Variants in WDR44 observed in about 807,000 individuals in gnomAD.
WDR44 encodes WD repeat-containing protein 44.
A neutral mutation model predicts 65.7 loss-of-function variants in WDR44; 9 were observed. That is an observed-to-expected ratio of 0.14 (90% CI 0.08 to 0.24). The LOEUF is 0.24. Ranked by LOEUF, WDR44 falls within the 10% of genes least tolerant of loss-of-function variation. The pLI is 1.00. For synonymous variants in WDR44, 220 were observed against 235.2 expected (o/e 0.94, Z 0.59); for missense variants, 425 against 670.9 (o/e 0.63, Z 4.05).
intron 3 of WDR44, among the ~76,000 whole-genome samples, chrX:118,389,222 C>T (rs112474426): frequency 0.018 from 2,035 of 111,777 alleles, 24 homozygotes; most frequent in Non-Finnish European, 0.029. Context: ...ATACCCTGGA[C>T]GAGGGCATAC....
chrX:118,378,871 T>TAA (rs541856981), intron 2 of WDR44, among the ~76,000 whole-genome samples: 13 of 92,899 alleles, frequency 1.4e-4, no homozygotes, highest in East Asian at 6.7e-4. Flanking sequence ...CCGTCTCTAC[T>TAA]AAAAAAAAAA....
At chrX:118,447,190 C>T in intron 19 of WDR44, 1 of 250,665 alleles carries the variant, frequency 4.0e-6, no homozygotes, top group Non-Finnish European at 7.4e-6. Flanking sequence ...CTTTTCTTTT[C>T]TTTTTTCCCC....
intron 19 of WDR44, among the ~76,000 whole-genome samples, chrX:118,445,634 A>G (rs1474696463): frequency 8.9e-6 from 1 of 112,625 alleles, no homozygotes; most frequent in African/African-American, 3.2e-5. Flanking sequence ...CATTTGTAGC[A>G]TATATGCTTT....
chrX:118,358,719 A>G (rs1181741784), intron 1 of WDR44, among the ~76,000 whole-genome samples: 1 of 110,453 alleles, frequency 9.1e-6, no homozygotes, highest in Non-Finnish European at 1.9e-5. Flanking sequence ...AACAAAAAAG[A>G]AAAAACCACC....
intron 12 of WDR44, among the ~76,000 whole-genome samples, chrX:118,416,370 A>G (rs2057057211): frequency 9.0e-6 from 1 of 111,655 alleles, no homozygotes; most frequent in African/African-American, 3.3e-5. Context: ...CCCAAAGGTT[A>G]TGATAGATTG....
chrX:118,434,219 A>G (rs752951736), intron 13 of WDR44, among the ~76,000 whole-genome samples: 2 of 112,194 alleles, frequency 1.8e-5, no homozygotes, highest in African/African-American at 6.5e-5. Context: ...TTTAGTATCT[A>G]TCCAGCTACC....
chrX:118,433,912 T>C (rs2057231910), intron 13 of WDR44, among the ~76,000 whole-genome samples: 1 of 103,066 alleles, frequency 9.7e-6, no homozygotes, highest in African/African-American at 3.9e-5. Context: ...AACAACCTTA[T>C]GCGATTGTTG....
At chrX:118,427,046 A>G (rs1172892085) in intron 12 of WDR44, among the ~76,000 whole-genome samples, 1 of 111,841 alleles carries the variant, frequency 8.9e-6, no homozygotes, top group African/African-American at 3.2e-5. Flanking sequence ...AAAGTGAAGA[A>G]AGCAGAATGT....
At chrX:118,408,188 C>T (rs1355875651) in intron 10 of WDR44, among the ~76,000 whole-genome samples, 1 of 111,089 alleles carries the variant, frequency 9.0e-6, no homozygotes, top group Non-Finnish European at 1.9e-5. Flanking sequence ...TTTGATACAT[C>T]TGAATGTGTA....
At chrX:118,384,484 T>A (rs1467398485) in intron 2 of WDR44, among the ~76,000 whole-genome samples, 2 of 111,927 alleles carry the variant, frequency 1.8e-5, no homozygotes, top group African/African-American at 6.5e-5. Flanking sequence ...GATCAGATAG[T>A]TGTAGGTGTG....
intron 14 of WDR44, among the ~76,000 whole-genome samples, chrX:118,437,097 T>C (rs777547862): frequency 9.0e-6 from 1 of 110,985 alleles, no homozygotes; most frequent in African/African-American, 3.3e-5. Flanking sequence ...AGATGAGAGA[T>C]ATTGGAGATG....
intron 8 of WDR44, among the ~76,000 whole-genome samples, chrX:118,403,605 T>C (rs138251359): frequency 0.023 from 2,541 of 111,980 alleles, 47 homozygotes; most frequent in Non-Finnish European, 0.035. Flanking sequence ...CTGTCCCTCA[T>C]GAGCTCCCAT....
intron 12 of WDR44, among the ~76,000 whole-genome samples, chrX:118,417,118 T>C (rs781339904): frequency 1.1e-4 from 12 of 112,214 alleles, no homozygotes; most frequent in Non-Finnish European, 1.7e-4. Context: ...GGTGGGTTCT[T>C]ATCCATTCTG....
At chrX:118,440,748 T>C (rs1027766740) in intron 14 of WDR44, among the ~76,000 whole-genome samples, 11 of 111,205 alleles carry the variant, frequency 9.9e-5, no homozygotes, top group African/African-American at 3.6e-4. Flanking sequence ...TCAAACTTAT[T>C]TGATCACAGA....
intron 1 of WDR44, 22 bp from the exon 2 acceptor site, chrX:118,378,397 C>T: frequency 8.3e-7 from 1 of 1,200,009 alleles, no homozygotes; most frequent in Non-Finnish European, 1.1e-6. Context: ...TTCAACACCT[C>T]CTTACTTTTA....
chrX:118,359,714 A>T (rs2056494809), intron 1 of WDR44, among the ~76,000 whole-genome samples: 1 of 112,369 alleles, frequency 8.9e-6, no homozygotes, highest in African/African-American at 3.2e-5. Context: ...CACTATTTCT[A>T]TTAATATCAT....
chrX:118,424,323 G>GTATATA (rs1171699587), intron 12 of WDR44, among the ~76,000 whole-genome samples: 1,098 of 65,534 alleles, frequency 0.017, 9 homozygotes, highest in Non-Finnish European at 0.021. Context: ...GTGTGTGTGT[G>GTATATA]TATATATATA....
At chrX:118,359,317 T>C (rs1383595455) in intron 1 of WDR44, among the ~76,000 whole-genome samples, 1 of 112,372 alleles carries the variant, frequency 8.9e-6, no homozygotes, top group Non-Finnish European at 1.9e-5. Context: ...TGGGACATGG[T>C]GATATAGCTG....
At chrX:118,419,677 C>A (rs1198754337) in intron 12 of WDR44, among the ~76,000 whole-genome samples, 1 of 112,030 alleles carries the variant, frequency 8.9e-6, no homozygotes, top group East Asian at 2.8e-4. Context: ...TGAGTAGGAG[C>A]TGCAATCTAG....
Sources: allele counts gnomAD v4.1 joint callset (sites outside exome capture counted in the v4.1 genomes callset), GRCh38; gene constraint gnomAD v4.1.1; transcripts MANE v1.5; gene names NCBI Gene and HGNC (gene_info 2026-07-23, HGNC 2026-07-21).